UTRN: variants seen among roughly 807,000 people sequenced by gnomAD.
UTRN encodes utrophin.
Under a neutral mutation model 463.9 loss-of-function variants are expected in UTRN, and 283 were observed. The observed-to-expected ratio is 0.61, with a 90% CI of 0.55 to 0.67. UTRN has a LOEUF of 0.67. UTRN is among the 30% of genes least tolerant of loss of function. The pLI is 0.00. For missense variants in UTRN, 3,922 were observed against 4,084.3 expected (o/e 0.96, Z 1.08); for synonymous variants, 1,442 against 1,431.5 (o/e 1.01, Z -0.17).
At chr6:144,383,981 C>G (rs914219624) in intron 2 of UTRN, among the ~76,000 whole-genome samples, 9 of 152,086 alleles carry the variant, frequency 5.9e-5, no homozygotes, top group Admixed American at 3.9e-4. Flanking sequence ...AAATTAATCT[C>G]TTTTCTTCAA....
chr6:144,589,863 T>C (rs1038804284), intron 51 of UTRN, among the ~76,000 whole-genome samples: 2 of 152,026 alleles, frequency 1.3e-5, no homozygotes, highest in African/African-American at 4.8e-5. Context: ...GCTTTTTTTT[T>C]TTCTTTTTTT....
intron 51 of UTRN, among the ~76,000 whole-genome samples, chr6:144,667,460 C>T (rs936341735): frequency 9.2e-5 from 14 of 152,064 alleles, no homozygotes; most frequent in African/African-American, 3.1e-4. Context: ...TGTGGTTCAT[C>T]GATAATGATG....
chr6:144,481,416 A>T (rs1168639497), intron 26 of UTRN, among the ~76,000 whole-genome samples: 2 of 152,242 alleles, frequency 1.3e-5, no homozygotes. Context: ...GTCTAACTTT[A>T]TCATTGAAAT....
intron 51 of UTRN, among the ~76,000 whole-genome samples, chr6:144,628,194 A>G (rs1776146092): frequency 1.3e-5 from 2 of 152,230 alleles, no homozygotes; most frequent in Non-Finnish European, 2.9e-5. Context: ...CTTCTTGGCT[A>G]TTGTGAATAA....
rs760532222 is a variant in UTRN, at chr6:144,803,089, C to T, written c.9299C>T (p.Ser3100Leu). The change falls in exon 65 of 75, where the codon TCG (serine) becomes TTG (leucine). Residue 3100 changes from serine to leucine, a missense_variant. Ser to Leu is a moderately radical substitution (Grantham distance 145). Transcript: ENST00000367545. ...NYDVCQSCFF[S>L]GRTAKGHKLH... ...GATGTCTGCCAGAGTTGTTTCTTTT[C>T]GGGTCGAACAGCAAAAGGTCACAAA... 6.9e-6 allele frequency: 11 copies of T among 1,587,856 alleles called. No individual in the cohort carries two copies. The highest frequency in any genetic ancestry group is 1.8e-5 in the Admixed American group (1 of 56,732).
intron 51 of UTRN, among the ~76,000 whole-genome samples, chr6:144,631,026 C>T (rs1359011779): frequency 6.6e-6 from 1 of 152,136 alleles, no homozygotes; most frequent in African/African-American, 2.4e-5. Flanking sequence ...GCGGTCATGT[C>T]CCCTGACCTT....
chr6:144,479,702 T>C, intron 25 of UTRN, 110 bp from the exon 26 acceptor site: 1 of 1,254,212 alleles, frequency 8.0e-7, no homozygotes, highest in Non-Finnish European at 1.1e-6. Flanking sequence ...TTTTAAAGCA[T>C]GCAATTCGTT....
intron 54 of UTRN, among the ~76,000 whole-genome samples, chr6:144,741,489 A>T (rs755677906): frequency 1.3e-5 from 2 of 152,140 alleles, no homozygotes; most frequent in Non-Finnish European, 2.9e-5. Context: ...ACCATTTACA[A>T]GGGGGGTGTT....
intron 71 of UTRN, among the ~76,000 whole-genome samples, chr6:144,838,326 C>T (rs1781273070): frequency 6.6e-6 from 1 of 152,164 alleles, no homozygotes; most frequent in South Asian, 2.1e-4. Flanking sequence ...CTGCAGAGCT[C>T]TTATCTCTTC....
chr6:144,694,199 G>T (rs1396208430), intron 52 of UTRN, among the ~76,000 whole-genome samples: 6 of 151,874 alleles, frequency 4.0e-5, no homozygotes, highest in Admixed American at 2.0e-4. Flanking sequence ...TTATTGATTT[G>T]TATATGTTGA....
At chr6:144,530,994 G>A in intron 41 of UTRN, 58 bp from the exon 42 acceptor site, 1 of 1,539,540 alleles carries the variant, frequency 6.5e-7, no homozygotes, top group Non-Finnish European at 8.8e-7. Context: ...TAGAAAAATG[G>A]CTTTAGGCAG....
chr6:144,316,255 G>A (rs1425613669), intron 2 of UTRN, among the ~76,000 whole-genome samples: 1 of 152,206 alleles, frequency 6.6e-6, no homozygotes, highest in Admixed American at 6.5e-5. Flanking sequence ...ATTTGGATAT[G>A]TGTGGCAATT....
At chr6:144,406,741 GCT>G (rs1254837675) in intron 3 of UTRN, among the ~76,000 whole-genome samples, 2 of 152,112 alleles carry the variant, frequency 1.3e-5, no homozygotes, top group Non-Finnish European at 2.9e-5. Flanking sequence ...TCTTCTGTAA[GCT>G]CTTTCGTTGG....
intron 57 of UTRN, among the ~76,000 whole-genome samples, chr6:144,757,335 G>C (rs932373389): frequency 6.6e-6 from 1 of 151,446 alleles, no homozygotes; most frequent in East Asian, 2.0e-4. Context: ...CTCTCTGTAT[G>C]TTTCAGATGA....
chr6:144,599,388 G>C (rs1349099034), intron 51 of UTRN, among the ~76,000 whole-genome samples: 1 of 152,184 alleles, frequency 6.6e-6, no homozygotes, highest in Non-Finnish European at 1.5e-5. Context: ...CACTGGGTTG[G>C]AGGCGGGAGG....
chr6:144,370,061 G>A (rs553643625), intron 2 of UTRN, among the ~76,000 whole-genome samples: 11 of 152,320 alleles, frequency 7.2e-5, no homozygotes, highest in South Asian at 4.2e-4. Flanking sequence ...GTTGGGTACT[G>A]CTAATTAAGA....
Position 144,715,694 on chromosome 6 carries a change from C to A in UTRN, c.7810-14663C>A, listed in dbSNP as rs1038549514. On this transcript the variant is annotated intron_variant, in intron 53 of 74. Transcript: ENST00000367545. ...CTCTCTCTCTCATTCTCTCTCTCTT[C>A]CCCCCCCACCCTTTTCTACTTCTTT... 2.2e-4 allele frequency among the ~76,000 whole-genome samples: 18 copies of A among 81,708 alleles called. No individual in the cohort carries two copies. The African/African-American group carries it at 4.2e-3, about 19-fold the overall frequency. The allele number at this position is 81,708 out of a possible 152,430, so 53.6% of individuals were successfully genotyped here.
chr6:144,626,700 C>T (rs1282722572), intron 51 of UTRN, among the ~76,000 whole-genome samples: 1 of 152,082 alleles, frequency 6.6e-6, no homozygotes, highest in East Asian at 1.9e-4. Flanking sequence ...GATGCAGTGG[C>T]ACAATTTCGG....
At chr6:144,447,443 C>A in intron 15 of UTRN, 125 bp downstream of exon 15, 1 of 1,245,268 alleles carries the variant, frequency 8.0e-7, no homozygotes, top group Non-Finnish European at 1.1e-6. Flanking sequence ...GACTGCTGCC[C>A]TGTAACAATC....
Sources: allele counts gnomAD v4.1 joint callset (sites outside exome capture counted in the v4.1 genomes callset), GRCh38; gene constraint gnomAD v4.1.1; transcripts MANE v1.5; gene names NCBI Gene and HGNC (gene_info 2026-07-23, HGNC 2026-07-21).